The following SYNDIG1L variants were observed in gnomAD, a reference collection of about 807,000 sequenced individuals.
The protein encoded by SYNDIG1L is synapse differentiation inducing 1 like, also known as synapse differentiation-inducing gene protein 1-like.
A neutral mutation model predicts 20.1 loss-of-function variants in SYNDIG1L; 13 were observed. That is an observed-to-expected ratio of 0.65 (90% CI 0.42 to 1.03). The LOEUF (loss-of-function observed/expected upper bound fraction) is 1.03, where lower values mean the gene tolerates loss of function less well. SYNDIG1L is among the 50% of genes least tolerant of loss of function. The probability of loss-of-function intolerance (pLI) is 0.00; values close to 1 mark genes in which losing one functional copy is unlikely to be tolerated. For missense variants in SYNDIG1L, 294 were observed against 305.1 expected (o/e 0.96, Z 0.27); for synonymous variants, 128 against 129.3 (o/e 0.99, Z 0.07).
chr14:74,414,730 C>T (rs1048671735), intron 1 of SYNDIG1L, among the ~76,000 whole-genome samples: 2 of 152,034 alleles, frequency 1.3e-5, no homozygotes, highest in African/African-American at 2.4e-5. Flanking sequence ...GACCATGTGC[C>T]GGGAACTGTT....
At chr14:74,434,848 G>A in the SYNDIG1L span, among the ~76,000 whole-genome samples, 2 of 151,106 alleles carry the variant, frequency 1.3e-5, no homozygotes, top group South Asian at 2.1e-4. Context: ...TTGGGAGGCC[G>A]AGGCAGGTGG....
intron 1 of SYNDIG1L, among the ~76,000 whole-genome samples, chr14:74,413,951 C>T (rs895204034): frequency 3.3e-5 from 5 of 152,244 alleles, no homozygotes; most frequent in Admixed American, 2.6e-4. Context: ...AGTTCGCGGA[C>T]GTGATCCTGG....
the SYNDIG1L span, chr14:74,474,132 A>C: frequency 1.1e-4 from 17 of 152,322 alleles, no homozygotes; most frequent in African/African-American, 3.8e-4. Context: ...TCCAAGCTAC[A>C]CATGCACATC....
the SYNDIG1L span, among the ~76,000 whole-genome samples, chr14:74,444,488 T>C: frequency 6.6e-6 from 1 of 151,902 alleles, no homozygotes; most frequent in Admixed American, 6.6e-5. Context: ...TGGTGGCTCA[T>C]GCCTGTAATC....
the SYNDIG1L span, among the ~76,000 whole-genome samples, chr14:74,466,423 C>T: frequency 6.6e-6 from 1 of 152,112 alleles, no homozygotes; most frequent in African/African-American, 2.4e-5. Flanking sequence ...GAGAACAGGG[C>T]CAATTGGTCC....
chr14:74,420,715 G>A (rs2086214559), intron 1 of SYNDIG1L, among the ~76,000 whole-genome samples: 1 of 152,106 alleles, frequency 6.6e-6, no homozygotes, highest in Non-Finnish European at 1.5e-5. Context: ...ATGACAGGAT[G>A]TATATCTTTT....
intron 2 of SYNDIG1L, among the ~76,000 whole-genome samples, chr14:74,408,612 A>T (rs1394388952): frequency 6.6e-6 from 1 of 151,942 alleles, no homozygotes; most frequent in African/African-American, 2.4e-5. Flanking sequence ...TGACCAGGAG[A>T]CTATGTTAAT....
At position 74,407,924 on chromosome 14, in the gene SYNDIG1L, G is replaced by C; in HGVS notation, c.483C>G (p.His161Gln). The C allele has an allele frequency of 6.2e-7, 1 of 1,614,028 alleles. No individual in the cohort carries two copies. The highest frequency in any genetic ancestry group is 8.5e-7 in the Non-Finnish European group (1 of 1,179,938). The change falls in exon 3 of 4, where the codon CAC becomes CAG. Residue 161 changes from histidine to glutamine, a missense_variant. His to Gln is a conservative substitution (Grantham distance 24). Transcript: ENST00000331628. ...DNFLTLPPRDHLGLTLFSMLC... is the reference protein window; with the variant it reads ...DNFLTLPPRDQLGLTLFSMLC... ...GCATGGAGAAGAGAGTAAGTCCCAG[G>C]TGGTCCCTGGGAGGCAGCGTGAGGA...
chr14:74,422,304 C>T (rs976637620), intron 1 of SYNDIG1L, among the ~76,000 whole-genome samples: 3 of 152,118 alleles, frequency 2.0e-5, no homozygotes, highest in Admixed American at 6.5e-5. Context: ...ACATAAACGG[C>T]GGGGGTGAAG....
the SYNDIG1L span, among the ~76,000 whole-genome samples, chr14:74,470,278 T>C: frequency 3.3e-5 from 5 of 152,250 alleles, no homozygotes; most frequent in Admixed American, 3.3e-4. Flanking sequence ...GGCCCCTGCT[T>C]CCAAGCCACA....
chr14:74,444,234 ACT>A, the SYNDIG1L span, among the ~76,000 whole-genome samples: 2 of 151,502 alleles, frequency 1.3e-5, no homozygotes, highest in Non-Finnish European at 2.9e-5. Flanking sequence ...TAATTTTTGT[ACT>A]TTTAGTAGAG....
At chr14:74,458,536 C>T in the SYNDIG1L span, among the ~76,000 whole-genome samples, 4 of 149,908 alleles carry the variant, frequency 2.7e-5, no homozygotes, top group African/African-American at 5.0e-5. Context: ...GCAGAAGAAT[C>T]GCTTGAACCC....
the SYNDIG1L span, among the ~76,000 whole-genome samples, chr14:74,463,343 C>T: frequency 4.6e-5 from 7 of 152,314 alleles, no homozygotes; most frequent in Middle Eastern, 3.4e-3. Flanking sequence ...ATCTGTCCAT[C>T]CCTGAAGGGT....
the SYNDIG1L span, chr14:74,479,996 G>C: frequency 7.1e-7 from 1 of 1,407,288 alleles, no homozygotes; most frequent in East Asian, 2.9e-5. Context: ...TCCAGGTGTA[G>C]AAAGAGGCCA....
intron 1 of SYNDIG1L, among the ~76,000 whole-genome samples, chr14:74,422,837 GAGT>G (rs749891673): frequency 6.6e-6 from 1 of 151,326 alleles, no homozygotes; most frequent in East Asian, 2.0e-4. Context: ...TCAGCCTCCC[GAGT>G]AGCTGAAGTT....
the SYNDIG1L span, among the ~76,000 whole-genome samples, chr14:74,445,454 T>TTGTGTGTGTG: frequency 5.8e-4 from 86 of 147,868 alleles, 1 homozygote; most frequent in Non-Finnish European, 8.9e-4. Context: ...GTATTAAAAT[T>TTGTGTGTGTG]TGTGTGTGTG....
chr14:74,407,837 A>G lies in SYNDIG1L; in HGVS notation c.558+12T>C, dbSNP rs11621669. 727,305 of 1,606,908 alleles carry G rather than the reference A, an allele frequency of 0.45. 166,816 individuals carry two copies. The highest frequency in any genetic ancestry group is 0.47 in the Non-Finnish European group (556,360 of 1,176,558). The stretch of plus-strand genomic sequence containing the variant: ...GGGCCAGAGAAGGGACCTGGGCCCC[A>G]GGTGCTCTTACCCCCTGGGAGAAGT... On this transcript the variant is annotated intron_variant, in intron 3 of 3. Transcript: ENST00000331628.
chr14:74,459,388 C>T, the SYNDIG1L span, among the ~76,000 whole-genome samples: 1 of 152,108 alleles, frequency 6.6e-6, no homozygotes, highest in East Asian at 1.9e-4. Flanking sequence ...CCTACAGTCC[C>T]AGCTACTCAG....
At chr14:74,474,836 C>T in the SYNDIG1L span, 2 of 152,114 alleles carry the variant, frequency 1.3e-5, no homozygotes, top group African/African-American at 2.4e-5. Flanking sequence ...GACAAGGCTG[C>T]TATAGGGTTA....
Sources: gnomAD v4.1 joint callset for allele counts (sites outside exome capture counted in the v4.1 genomes callset) on GRCh38, gnomAD v4.1.1 for gene constraint, MANE v1.5 for transcripts, NCBI Gene and HGNC (gene_info 2026-07-23, HGNC 2026-07-21) for gene names.